Variants in SINHCAF observed in about 807,000 individuals in gnomAD.
SINHCAF encodes the protein SIN3-HDAC complex-associated factor.
Under a neutral mutation model 25.8 loss-of-function variants are expected in SINHCAF, and 3 were observed. The ratio of observed to expected loss-of-function variants is 0.12; its 90% confidence interval spans 0.05 to 0.30. The LOEUF is 0.30. SINHCAF is among the 10% of genes least tolerant of loss of function. The probability of loss-of-function intolerance (pLI) is 1.00; values close to 1 mark genes in which losing one functional copy is unlikely to be tolerated. For missense variants in SINHCAF, 121 were observed against 262.3 expected (o/e 0.46, Z 3.72); for synonymous variants, 70 against 85.5 (o/e 0.82, Z 1.00).
intron 5 of SINHCAF, among the ~76,000 whole-genome samples, chr12:31,283,936 CAT>C (rs1414789746): frequency 1.3e-5 from 2 of 151,382 alleles, no homozygotes; most frequent in African/African-American, 4.9e-5. Flanking sequence ...CGTTGAGATC[CAT>C]ACATATTGTT....
intron 1 of SINHCAF, chr12:31,323,811 G>A (rs1335876715): frequency 1.3e-5 from 5 of 392,926 alleles, no homozygotes; most frequent in Admixed American, 5.6e-5. Flanking sequence ...GGTTTATCGG[G>A]CGTCGTCGGG....
chr12:31,283,242 A>T (rs1937880934), intron 5 of SINHCAF, among the ~76,000 whole-genome samples: 1 of 151,972 alleles, frequency 6.6e-6, no homozygotes, highest in Non-Finnish European at 1.5e-5. Context: ...TATATATTTA[A>T]TTTTTTTTCT....
At chr12:31,285,007 A>C (rs1053964641) in intron 5 of SINHCAF, among the ~76,000 whole-genome samples, 23 of 152,206 alleles carry the variant, frequency 1.5e-4, no homozygotes, top group Non-Finnish European at 3.2e-4. Context: ...AATTACCCTG[A>C]ATCTACAAAG....
intron 2 of SINHCAF, among the ~76,000 whole-genome samples, chr12:31,297,619 T>C (rs1992067): frequency 0.15 from 22,469 of 151,466 alleles, 2,289 homozygotes; most frequent in Non-Finnish European, 0.23. Flanking sequence ...ACTACAAGTG[T>C]GCACCACCAC....
rs200544783 is a variant in SINHCAF at position 31,293,811 on chromosome 12, G to A, written c.349C>T (p.Arg117Cys). The A allele has an allele frequency of 4.5e-5, 72 of 1,597,492 alleles. 1 individual carries two copies. The East Asian group carries it at 6.0e-4, about 13-fold the overall frequency. The change falls in exon 4 of 6, where the codon CGT becomes TGT. Residue 117 changes from arginine (R) to cysteine (C), a missense_variant. Transcript: ENST00000337682. ...QISKLQKEFK[R>C]HNSDAHSTTS... The stretch of plus-strand genomic sequence containing the variant: ...GTTGTAATATCAAACTTACTATGAC[G>A]TTTAAATTCCTTCTGCAGTTTACTG...
chr12:31,308,744 G>A lies in SINHCAF; in HGVS notation c.-20-10520C>T, dbSNP rs114197248. Among the ~76,000 whole-genome samples, 417 of 152,136 alleles carry A rather than the reference G, an allele frequency of 2.7e-3. 2 individuals carry two copies. Among genetic ancestry groups the A allele is most frequent in the African/African-American group, 9.2e-3 (383 of 41,488 alleles). On this transcript the variant is annotated intron_variant, in intron 1 of 5. Coordinates refer to ENST00000337682, the MANE Select transcript of SINHCAF (RefSeq NM_001135812.2). ...TGTGACATCACAGTCCAAGTATACC[G>A]TCATTCTCTCCAGGAAAAGGCAAAC...
At position 31,282,789 on chromosome 12, in the gene SINHCAF, T is replaced by C; in HGVS notation, c.589A>G (p.Ser197Gly). 2 of 1,613,470 alleles carry C rather than the reference T, an allele frequency of 1.2e-6. No individual in the cohort carries two copies. The highest frequency in any genetic ancestry group is 1.7e-6 in the Non-Finnish European group (2 of 1,179,652). The change falls in exon 6 of 6, where the codon AGC becomes GGC. Residue 197 changes from serine to glycine, a missense_variant. Coordinates refer to ENST00000337682, the MANE Select transcript of SINHCAF (RefSeq NM_001135812.2). ...IDTHLFKPCC[S>G]NKKAAAEKPE... ...TTCTCAGCAGCTGCTTTCTTATTGC[T>C]GCAGCAAGGCTTGAAGAGATGTGTG...
chr12:31,310,392 C>G (rs947058531), intron 1 of SINHCAF, among the ~76,000 whole-genome samples: 1 of 152,120 alleles, frequency 6.6e-6, no homozygotes, highest in Non-Finnish European at 1.5e-5. Flanking sequence ...GAAATGAAAA[C>G]CCCCTATTTC....
Position 31,321,000 on chromosome 12 carries a change from C to T in SINHCAF, c.-21+5024G>A, listed in dbSNP as rs116196258. Among the ~76,000 whole-genome samples the T allele has an allele frequency of 2.7e-3, 411 of 152,288 alleles. 2 individuals carry two copies. The highest frequency in any genetic ancestry group is 9.3e-3 in the African/African-American group (385 of 41,562). ...ATAAATTCTTTTAGTTCAACTGTAA[C>T]TTTCATACTTGAATATGTAACAGCG... On this transcript the variant is annotated intron_variant, in intron 1 of 5. Transcript: ENST00000337682.
intron 2 of SINHCAF, chr12:31,296,932 G>A: frequency 2.5e-6 from 1 of 401,716 alleles, no homozygotes; most frequent in Non-Finnish European, 4.9e-6. Context: ...CTACTCGAGA[G>A]GCTCAGACGG....
intron 1 of SINHCAF, chr12:31,311,778 C>T: frequency 2.0e-6 from 1 of 499,880 alleles, no homozygotes; most frequent in Non-Finnish European, 3.9e-6. Context: ...GCCAGCCTAA[C>T]CCAAAGACTG....
chr12:31,298,256 T>C (rs1424310225), intron 1 of SINHCAF, 32 bp from the exon 2 acceptor site: 44 of 1,610,254 alleles, frequency 2.7e-5, no homozygotes, highest in East Asian at 1.8e-4. Context: ...CATATCTTTG[T>C]TGAGGGCTGT....
chr12:31,325,188 C>T lies in SINHCAF; in HGVS notation c.-21+836G>A, dbSNP rs1032711473. The stretch of plus-strand genomic sequence containing the variant: ...CGGCCGCCCATAAACGGGAAGCCCT[C>T]GCGGTGTCGCCCACACCTACGCTAC... On this transcript the variant is annotated intron_variant, in intron 1 of 5. Transcript: ENST00000337682. The surrounding 1 kb of genome is among the most constrained non-coding windows in gnomAD (Gnocchi z 5.9). The T allele has an allele frequency of 1.3e-5, 6 of 456,680 alleles. No individual in the cohort carries two copies. The highest frequency in any genetic ancestry group is 2.0e-5 in the African/African-American group (1 of 50,100). 28.3% of individuals were successfully genotyped at this position (456,680 alleles called of 1,614,324 possible). A position where few individuals can be genotyped will look rare whatever the true frequency, so the allele number is the denominator to read the frequency against.
chr12:31,304,467 T>C (rs1013147731), intron 1 of SINHCAF: 2 of 152,296 alleles, frequency 1.3e-5, no homozygotes, highest in Middle Eastern at 3.4e-3. Context: ...AGATGAGGAA[T>C]TAAGTTTGTG....
chr12:31,290,228 C>T (rs1029704606), intron 4 of SINHCAF, among the ~76,000 whole-genome samples: 5 of 152,146 alleles, frequency 3.3e-5, no homozygotes, highest in Non-Finnish European at 7.4e-5. Flanking sequence ...CAGCTCACTG[C>T]AGCCTCCAAC....
intron 5 of SINHCAF, among the ~76,000 whole-genome samples, chr12:31,283,960 T>A (rs1329944568): frequency 2.6e-5 from 4 of 152,132 alleles, no homozygotes; most frequent in African/African-American, 9.7e-5. Context: ...TAGAGCTTTA[T>A]TTCATTTTAA....
intron 4 of SINHCAF, among the ~76,000 whole-genome samples, chr12:31,288,917 TG>T (rs1258816023): frequency 1.3e-5 from 2 of 151,224 alleles, no homozygotes; most frequent in Admixed American, 6.6e-5. Flanking sequence ...TTGAAATAAA[TG>T]AAAACATAGG....
chr12:31,301,928 C>T (rs1938814514), intron 1 of SINHCAF, among the ~76,000 whole-genome samples: 1 of 152,004 alleles, frequency 6.6e-6, no homozygotes. Flanking sequence ...ATACTGCTTT[C>T]CTAGTACCAA....
intron 1 of SINHCAF, among the ~76,000 whole-genome samples, chr12:31,321,450 A>T (rs1020842037): frequency 6.6e-6 from 1 of 152,226 alleles, no homozygotes; most frequent in Non-Finnish European, 1.5e-5. Context: ...ATGTTTCCCC[A>T]GAAACGATAA....
Sources: allele counts gnomAD v4.1 joint callset (sites outside exome capture counted in the v4.1 genomes callset), GRCh38; gene constraint gnomAD v4.1.1; non-coding constraint Gnocchi (gnomAD v3.1); transcripts MANE v1.5; gene names NCBI Gene and HGNC (gene_info 2026-07-23, HGNC 2026-07-21).